VAMP8: variants seen among roughly 807,000 people sequenced by gnomAD.
The protein encoded by VAMP8 is vesicle associated membrane protein 8.
A neutral mutation model predicts 11.4 loss-of-function variants in VAMP8; 9 were observed. That is an observed-to-expected ratio of 0.79 (90% CI 0.48 to 1.38). The LOEUF (loss-of-function observed/expected upper bound fraction) is 1.38. VAMP8 is among the 40% of genes most tolerant of loss of function. The pLI is 0.00. For missense variants in VAMP8, 108 were observed against 127.8 expected (o/e 0.85, Z 0.75); for synonymous variants, 42 against 44.7 (o/e 0.94, Z 0.24).
Position 85,577,621 on chromosome 2 carries a change from C to CT in VAMP8, c.-25dup. 1.9e-6 allele frequency: 3 copies of CT among 1,552,026 alleles called. No individual in the cohort carries two copies. Among genetic ancestry groups the CT allele is most frequent in the Non-Finnish European group, 2.6e-6 (3 of 1,147,242 alleles). ...GAAGCCGACTAGGCGAATTCACTTACTGACCGGCCTGGGCTGCTCTGAGAC... is the reference window on the plus strand; with the variant it reads ...GAAGCCGACTAGGCGAATTCACTTACTTGACCGGCCTGGGCTGCTCTGAGAC... On this transcript the variant is annotated 5_prime_UTR_variant, in exon 1 of 3. Coordinates refer to ENST00000263864, the MANE Select transcript of VAMP8 (RefSeq NM_003761.5).
At position 85,581,591 on chromosome 2, in the gene VAMP8, A is replaced by C; in HGVS notation, c.178A>C (p.Thr60Pro). ...TCCCCAACAGTCTGAGCACTTCAAG[A>C]CGACATCGCAGAAGGTGGCTCGAAA... ...DLEATSEHFK[T>P]TSQKVARKFW... Residue 60 changes from threonine (T) to proline (P), a missense_variant, in exon 3 of 3, where the codon ACG becomes CCG. Thr to Pro is a conservative substitution (Grantham distance 38). Coordinates refer to ENST00000263864, the MANE Select transcript of VAMP8 (RefSeq NM_003761.5). The C allele has an allele frequency of 6.2e-7, 1 of 1,614,078 alleles. No individual in the cohort carries two copies. Among genetic ancestry groups the C allele is most frequent in the Non-Finnish European group, 8.5e-7 (1 of 1,180,032 alleles).
chr2:85,580,555 G>A lies in VAMP8; in HGVS notation c.163-1021G>A, dbSNP rs375216143. On this transcript the variant is annotated intron_variant, in intron 2 of 2. Transcript: ENST00000263864. Reference sequence around the variant, plus strand: ...GGTAAGAAGAGAAAGGGGACCCCTAGTCATATCTAGGTGGAGACCTCCTAG... The same window carrying A: ...GGTAAGAAGAGAAAGGGGACCCCTAATCATATCTAGGTGGAGACCTCCTAG... Among the ~76,000 whole-genome samples, 6 of 151,900 alleles carry A rather than the reference G, an allele frequency of 3.9e-5. No homozygotes were observed. The East Asian group carries it at 9.7e-4, about 25-fold the overall frequency.
At position 85,581,494 on chromosome 2, in the gene VAMP8, C is replaced by G. The variant is rs1357581774; in HGVS notation, c.163-82C>G. 4 of 1,538,450 alleles carry G rather than the reference C, an allele frequency of 2.6e-6. No individual in the cohort carries two copies. The East Asian group carries it at 6.8e-5, about 26-fold the overall frequency. ...CTCAAAAAAAAAAAAAAAGTATGGCCTGTGGGCTGCACTTGTACTCTTATA... is the reference window on the plus strand; with the variant it reads ...CTCAAAAAAAAAAAAAAAGTATGGCGTGTGGGCTGCACTTGTACTCTTATA... On this transcript the variant is annotated intron_variant, in intron 2 of 2. Transcript: ENST00000263864.
Position 85,581,767 on chromosome 2 carries a change from T to C in VAMP8, c.*51T>C, listed in dbSNP as rs2104034746. The C allele has an allele frequency of 2.5e-6, 4 of 1,608,602 alleles. No individual in the cohort carries two copies. The highest frequency in any genetic ancestry group is 3.4e-6 in the Non-Finnish European group (4 of 1,176,482). ...CCTTCTCTTCAGGGACAACCCTCCA[T>C]AAATGTGTGCCAAGAGGGTCTCCTT... On this transcript the variant is annotated 3_prime_UTR_variant, in exon 3 of 3. Transcript: ENST00000263864.
intron 1 of VAMP8, among the ~76,000 whole-genome samples, chr2:85,577,858 C>G (rs1390463306): frequency 6.6e-6 from 1 of 152,184 alleles, no homozygotes; most frequent in Admixed American, 6.5e-5. Context: ...CCCTCCCTCC[C>G]CTGACCTCTG....
intron 1 of VAMP8, among the ~76,000 whole-genome samples, chr2:85,578,606 C>T (rs887739126): frequency 6.6e-6 from 1 of 152,114 alleles, no homozygotes; most frequent in African/African-American, 2.4e-5. Context: ...CCCAAGAAAT[C>T]AGGAAAGGGG....
Position 85,581,907 on chromosome 2 carries a change from A to G in VAMP8, c.*191A>G, listed in dbSNP as rs966675476. 9.7e-6 allele frequency: 7 copies of G among 720,760 alleles called. No homozygotes were observed. The African/African-American group carries it at 1.1e-4, about 11-fold the overall frequency. The allele number at this position is 720,760 out of a possible 1,614,324, so 44.6% of individuals were successfully genotyped here. A position where few individuals can be genotyped will look rare whatever the true frequency, so the allele number is the denominator to read the frequency against. On this transcript the variant is annotated 3_prime_UTR_variant, in exon 3 of 3. Coordinates refer to ENST00000263864, the MANE Select transcript of VAMP8 (RefSeq NM_003761.5). ...TTGGTCCCCCGGAAGGAGAGAAAAA[A>G]GAGAGATGGACTGTGGCTGCATTTC...
At chr2:85,579,984 C>G in intron 2 of VAMP8, 1 of 1,424,760 alleles carries the variant, frequency 7.0e-7, no homozygotes, top group Non-Finnish European at 9.3e-7. Flanking sequence ...TAGACAGAGC[C>G]TCACTCTGTT....
chr2:85,577,673 A>G, intron 1 of VAMP8, 24 bp downstream of exon 1: 1 of 1,547,024 alleles, frequency 6.5e-7, no homozygotes, highest in South Asian at 1.2e-5. Context: ...GAACTAGGAA[A>G]GGGCTGGTTT....
rs745503971 is a variant in VAMP8 at position 85,579,017 on chromosome 2, CA to C, written c.13del (p.Ser5ValfsTer23). The C allele has an allele frequency of 8.7e-6, 14 of 1,604,152 alleles. No homozygotes were observed. Among genetic ancestry groups the C allele is most frequent in the Non-Finnish European group, 1.2e-5 (14 of 1,174,608 alleles). On this transcript the variant is annotated frameshift_variant, in exon 2 of 3. Transcript: ENST00000263864. LOFTEE classifies it high-confidence loss of function. Reference protein sequence around the residue: MEEASEGGGNDRVRN... With the variant: MEEAXEGGGNDRVRN... Reference sequence around the variant, plus strand: ...CCCGTGTTGCCGCACAGGAGGAAGCCAGTGAAGGTGGAGGAAATGATCGTGT... The same window carrying C: ...CCCGTGTTGCCGCACAGGAGGAAGCCGTGAAGGTGGAGGAAATGATCGTGT...
chr2:85,577,780 C>T (rs1672305755), intron 1 of VAMP8, 131 bp downstream of exon 1: 1 of 1,313,624 alleles, frequency 7.6e-7, no homozygotes, highest in Admixed American at 2.0e-5. Flanking sequence ...GCTGCTATGG[C>T]CTCTCTTCTT....
intron 1 of VAMP8, 43 bp from the exon 2 acceptor site, chr2:85,578,966 T>G (rs1672324516): frequency 6.3e-7 from 1 of 1,576,134 alleles, no homozygotes; most frequent in Non-Finnish European, 8.6e-7. Flanking sequence ...AAGTCTCCAG[T>G]TCCCCCACCA....
At position 85,581,807 on chromosome 2, in the gene VAMP8, A is replaced by C. The variant is rs1476376336; in HGVS notation, c.*91A>C. The C allele has an allele frequency of 5.8e-6, 9 of 1,547,072 alleles. No homozygotes were observed. Among genetic ancestry groups the C allele is most frequent in the Non-Finnish European group, 2.6e-6 (3 of 1,134,504 alleles). The stretch of plus-strand genomic sequence containing the variant: ...AGGGTCTCCTTTCCTGTCTTCCTCT[A>C]CAGAGAATGCTGCTCGGTCCTCCTA... On this transcript the variant is annotated 3_prime_UTR_variant, in exon 3 of 3. Transcript: ENST00000263864.
intron 2 of VAMP8, chr2:85,579,708 C>T (rs900504304): frequency 6.5e-7 from 1 of 1,549,066 alleles, no homozygotes; most frequent in Non-Finnish European, 8.7e-7. Context: ...ATCTCCCACA[C>T]ATCTTGCTAG....
Position 85,579,010 on chromosome 2 carries a change from A to T in VAMP8, c.5A>T (p.Glu2Val). ...AATTAACCCCGTGTTGCCGCACAGG[A>T]GGAAGCCAGTGAAGGTGGAGGAAAT... The part of the protein sequence containing the change: M[E>V]EASEGGGNDR... The change falls in exon 2 of 3, where the codon GAG becomes GTG. Residue 2 changes from glutamate to valine, a missense_variant and splice_region_variant. Transcript: ENST00000263864. The T allele has an allele frequency of 1.9e-6, 3 of 1,602,380 alleles. No homozygotes were observed. The highest frequency in any genetic ancestry group is 2.6e-6 in the Non-Finnish European group (3 of 1,173,614).
Position 85,579,824 on chromosome 2 carries a change from G to C in VAMP8, c.162+657G>C, listed in dbSNP as rs758659218. ...TGGAGCCTCAAGTTCTGTGTTCAGCGGGGAGGCTGGCTCTGGCTTTCTGAG... is the reference window on the plus strand; with the variant it reads ...TGGAGCCTCAAGTTCTGTGTTCAGCCGGGAGGCTGGCTCTGGCTTTCTGAG... On this transcript the variant is annotated intron_variant, in intron 2 of 2. Coordinates refer to ENST00000263864, the MANE Select transcript of VAMP8 (RefSeq NM_003761.5). 3.2e-6 allele frequency: 5 copies of C among 1,550,564 alleles called. No individual in the cohort carries two copies. In the African/African-American group the frequency reaches 6.8e-5, roughly 21 times the overall value.
chr2:85,578,446 G>A (rs1203607557), intron 1 of VAMP8, among the ~76,000 whole-genome samples: 2 of 152,206 alleles, frequency 1.3e-5, no homozygotes, highest in Non-Finnish European at 2.9e-5. Flanking sequence ...GGCTCCAGGC[G>A]CCTTCTGGGA....
chr2:85,579,549 C>T (rs578095959), intron 2 of VAMP8, among the ~76,000 whole-genome samples: 1 of 152,316 alleles, frequency 6.6e-6, no homozygotes, highest in South Asian at 2.1e-4. Context: ...GAGGAAACCC[C>T]CGCTGTGGCC....
rs140052824 is a variant in VAMP8, at chr2:85,579,209, G to T, written c.162+42G>T. The T allele has an allele frequency of 2.6e-6, 4 of 1,513,236 alleles. No individual in the cohort carries two copies. The East Asian group carries it at 7.0e-5, about 26-fold the overall frequency. The allele number at this position is 1,513,236 out of a possible 1,614,324, so 93.7% of individuals were successfully genotyped here. On this transcript the variant is annotated intron_variant, in intron 2 of 2. Coordinates refer to ENST00000263864, the MANE Select transcript of VAMP8 (RefSeq NM_003761.5). ...ACTGGGGGCTGGAGGAAAACAGGGA[G>T]GGAGGGAATTTCTTTTTGGTGGGGC...
Sources: gnomAD v4.1 joint callset for allele counts (sites outside exome capture counted in the v4.1 genomes callset) on GRCh38, gnomAD v4.1.1 for gene constraint, MANE v1.5 for transcripts, NCBI Gene and HGNC (gene_info 2026-07-23, HGNC 2026-07-21) for gene names.